Variants in NSUN7 observed in about 807,000 individuals in gnomAD.
NSUN7 encodes the protein protein NSUN7.
NSUN7 carries 39 observed loss-of-function variants against 58.5 expected under a neutral mutation model. The observed-to-expected ratio is 0.67, with a 90% CI of 0.52 to 0.87. The LOEUF (loss-of-function observed/expected upper bound fraction) is 0.87. Among genes scored for constraint, NSUN7 ranks in the 40% least tolerant of loss-of-function variants. NSUN7 has a pLI of 0.00. For synonymous variants in NSUN7, 278 were observed against 303.7 expected, an observed-to-expected ratio of 0.92 and a Z score of 0.88; for missense variants, 765 against 844.1, an observed-to-expected ratio of 0.91 and a Z score of 1.16.
Position 40,776,059 on chromosome 4 carries a change from G to A in NSUN7, c.836G>A (p.Arg279Gln), listed in dbSNP as rs368809821. Residue 279 changes from arginine (R) to glutamine (Q), a missense_variant, in exon 7 of 12, where the codon CGA becomes CAA. By Grantham distance (43) the Arg-to-Gln change is conservative. Transcript: ENST00000381782. ...ACCATTATCTTACAGGACAAATCTC[G>A]AAGTCTTGCTGTCCATTCTGTAAAG... The part of the protein sequence containing the change: ...DYKLIFQDKS[R>Q]SLAVHSVKAL... 19 of 1,596,542 alleles carry A rather than the reference G, an allele frequency of 1.2e-5. No individual in the cohort carries two copies. In the African/African-American group the frequency reaches 1.2e-4, roughly 10 times the overall value.
At chr4:40,799,088 T>C (rs917398601) in intron 10 of NSUN7, among the ~76,000 whole-genome samples, 184 bp downstream of exon 10, 2 of 140,772 alleles carry the variant, frequency 1.4e-5, no homozygotes, top group South Asian at 4.6e-4. Context: ...TTTTTTTTTT[T>C]TTTTTTTTTT....
At chr4:40,756,095 A>T (rs1453767287) in intron 2 of NSUN7, among the ~76,000 whole-genome samples, 1 of 152,192 alleles carries the variant, frequency 6.6e-6, no homozygotes, top group Non-Finnish European at 1.5e-5. Context: ...CAGGAAAAAA[A>T]AAAAGTACCT....
rs1035979200 is a variant in NSUN7 at position 40,794,281 on chromosome 4, G to T, written c.1181-94G>T. The T allele has an allele frequency of 7.7e-5, 42 of 546,440 alleles. 1 individual carries two copies. In the East Asian group the frequency reaches 1.3e-3, roughly 17 times the overall value. 33.8% of individuals were successfully genotyped at this position (546,440 alleles called of 1,614,324 possible). ...TATTTTCCATGAAACACTTTTATTG[G>T]TAGGCAAAATGATTGAAAAATTATA... is the stretch of plus-strand genomic sequence containing the variant. On this transcript the variant is annotated intron_variant, in intron 8 of 11. Coordinates refer to ENST00000381782, the MANE Select transcript of NSUN7 (RefSeq NM_024677.6).
At chr4:40,751,139 A>G (rs1216582188) in intron 2 of NSUN7, 148 bp downstream of exon 2, 2 of 825,478 alleles carry the variant, frequency 2.4e-6, no homozygotes, top group African/African-American at 3.4e-5. Flanking sequence ...GCAAGTGTCA[A>G]GGAATTAGGG....
intron 2 of NSUN7, among the ~76,000 whole-genome samples, chr4:40,755,299 A>G (rs771569842): frequency 2.0e-5 from 3 of 152,118 alleles, no homozygotes; most frequent in Non-Finnish European, 4.4e-5. Flanking sequence ...CCATGTTACC[A>G]GGATGGTCTT....
At chr4:40,788,899 C>T (rs1742954557) in intron 7 of NSUN7, among the ~76,000 whole-genome samples, 1 of 152,170 alleles carries the variant, frequency 6.6e-6, no homozygotes, top group Admixed American at 6.5e-5. Context: ...CATCTGTACA[C>T]ATTAGAGTTT....
At chr4:40,786,315 A>C (rs1742822532) in intron 7 of NSUN7, 1 of 1,612,608 alleles carries the variant, frequency 6.2e-7, no homozygotes, top group Non-Finnish European at 8.5e-7. Context: ...ATTCTAAAAC[A>C]GTCACTTTTC....
chr4:40,793,228 G>A lies in NSUN7; in HGVS notation c.1181-1147G>A, dbSNP rs548383791. Among the ~76,000 whole-genome samples, 5 of 152,258 alleles carry A rather than the reference G, an allele frequency of 3.3e-5. No individual in the cohort carries two copies. The South Asian group carries it at 1.0e-3, about 32-fold the overall frequency. ...AGGCTGAGGTGGGTAGATCGGTTGAGGCCAGGAGTTCGAGTTCAGCCTGAC... is the reference window on the plus strand; with the variant it reads ...AGGCTGAGGTGGGTAGATCGGTTGAAGCCAGGAGTTCGAGTTCAGCCTGAC... On this transcript the variant is annotated intron_variant, in intron 8 of 11. Transcript: ENST00000381782.
chr4:40,753,800 T>C (rs1740960491), intron 2 of NSUN7, among the ~76,000 whole-genome samples: 1 of 152,164 alleles, frequency 6.6e-6, no homozygotes, highest in South Asian at 2.1e-4. Flanking sequence ...CAGGTCTTTC[T>C]TGTACTTGTT....
At chr4:40,798,648 G>T in intron 9 of NSUN7, 139 bp from the exon 10 acceptor site, 1 of 455,212 alleles carries the variant, frequency 2.2e-6, no homozygotes. Context: ...CTTTAAAGGG[G>T]AGCCATTCAA....
chr4:40,802,490 C>T (rs1324808825), intron 10 of NSUN7, among the ~76,000 whole-genome samples: 1 of 152,070 alleles, frequency 6.6e-6, no homozygotes, highest in Non-Finnish European at 1.5e-5. Context: ...GAGCTAGGTC[C>T]CTTTTTATTA....
chr4:40,781,571 A>G (rs1472643780), intron 7 of NSUN7, among the ~76,000 whole-genome samples: 2 of 152,172 alleles, frequency 1.3e-5, no homozygotes, highest in Middle Eastern at 3.4e-3. Context: ...TCAGCCTCCC[A>G]AGTAGCTGGG....
chr4:40,786,382 A>G, intron 7 of NSUN7: 1 of 1,612,052 alleles, frequency 6.2e-7, no homozygotes, highest in Non-Finnish European at 8.5e-7. Context: ...GTCATATACC[A>G]GATGCACAGA....
chr4:40,761,319 A>G lies in NSUN7; in HGVS notation c.488+18A>G. The G allele has an allele frequency of 1.3e-6, 2 of 1,595,028 alleles. No individual in the cohort carries two copies. The highest frequency in any genetic ancestry group is 1.7e-6 in the Non-Finnish European group (2 of 1,169,522). The stretch of plus-strand genomic sequence containing the variant: ...CTTAACAGGTAATCGTAAAAGTGAA[A>G]AGAATGTTTTATATGAAACCTACAT... On this transcript the variant is annotated intron_variant, in intron 4 of 11. Transcript: ENST00000381782.
In NSUN7 at chr4:40,750,824, A is replaced by T; in HGVS notation, c.131A>T (p.Asp44Val). The T allele has an allele frequency of 6.2e-7, 1 of 1,614,020 alleles. No homozygotes were observed. The highest frequency in any genetic ancestry group is 8.5e-7 in the Non-Finnish European group (1 of 1,180,000). ...AGVPEKTGYP[D>V]SVYVMAANIF... ...GTGCCCGAAAAAACGGGCTATCCGG[A>T]CTCCGTTTATGTCATGGCAGCCAAC... Residue 44 changes from aspartate (D) to valine (V), a missense_variant, in exon 2 of 12, where the codon GAC becomes GTC. Coordinates refer to ENST00000381782, the MANE Select transcript of NSUN7 (RefSeq NM_024677.6).
rs942275909 is a variant in NSUN7 at position 40,775,064 on chromosome 4, G to A, written c.825+114G>A. 3.9e-6 allele frequency: 2 copies of A among 510,510 alleles called. No homozygotes were observed. The highest frequency in any genetic ancestry group is 6.9e-6 in the Non-Finnish European group (2 of 290,176). The allele number at this position is 510,510 out of a possible 1,614,324, so 31.6% of individuals were successfully genotyped here. On this transcript the variant is annotated intron_variant, in intron 6 of 11. Coordinates refer to ENST00000381782, the MANE Select transcript of NSUN7 (RefSeq NM_024677.6). The surrounding 1 kb of genome is among the most constrained non-coding windows in gnomAD (Gnocchi z 4.3). ...TATATTTTTATAGATTATCAGGGAGGTTTATAAGGCCTAATTGTCACCTTG... is the reference window on the plus strand; with the variant it reads ...TATATTTTTATAGATTATCAGGGAGATTTATAAGGCCTAATTGTCACCTTG...
At chr4:40,755,934 A>G (rs1053346790) in intron 2 of NSUN7, among the ~76,000 whole-genome samples, 4 of 152,176 alleles carry the variant, frequency 2.6e-5, no homozygotes, top group African/African-American at 7.2e-5. Context: ...ATTGTCAACT[A>G]GGGAAGTTCA....
intron 3 of NSUN7, among the ~76,000 whole-genome samples, chr4:40,760,877 A>G (rs1245749996): frequency 6.6e-6 from 1 of 151,962 alleles, no homozygotes; most frequent in Non-Finnish European, 1.5e-5. Flanking sequence ...AAAAAAAAAA[A>G]AAAAGATTTA....
chr4:40,790,547 A>T, intron 7 of NSUN7, 55 bp from the exon 8 acceptor site: 1 of 1,126,668 alleles, frequency 8.9e-7, no homozygotes, highest in Non-Finnish European at 1.3e-6. Context: ...ATCACATACT[A>T]CATTAAGATT....
Sources: gnomAD v4.1 joint callset for allele counts (sites outside exome capture counted in the v4.1 genomes callset) on GRCh38, gnomAD v4.1.1 for gene constraint, Gnocchi (gnomAD v3.1) non-coding constraint, MANE v1.5 for transcripts, NCBI Gene and HGNC (gene_info 2026-07-23, HGNC 2026-07-21) for gene names.